Variants in ST18 observed in about 807,000 individuals in gnomAD.
ST18 encodes suppression of tumorigenicity 18 protein.
A neutral mutation model predicts 110.0 loss-of-function variants in ST18; 50 were observed. That is an observed-to-expected ratio of 0.45 (90% CI 0.36 to 0.58). The LOEUF (loss-of-function observed/expected upper bound fraction) is 0.58, where lower values mean the gene tolerates loss of function less well. Among genes scored for constraint, ST18 ranks in the 20% least tolerant of loss-of-function variants. The pLI is 0.00. For missense variants in ST18, 1,306 were observed against 1,280.1 expected, an observed-to-expected ratio of 1.02 and a Z score of -0.31; for synonymous variants, 461 against 452.4, an observed-to-expected ratio of 1.02 and a Z score of -0.24.
At chr8:52,274,334 C>T (rs561927510) in intron 2 of ST18, among the ~76,000 whole-genome samples, 3 of 151,998 alleles carry the variant, frequency 2.0e-5, no homozygotes, top group South Asian at 2.1e-4. Context: ...AAATGTTTTA[C>T]GTAGATAAGA....
intron 2 of ST18, among the ~76,000 whole-genome samples, chr8:52,380,122 G>A (rs968717135): frequency 1.2e-4 from 18 of 147,698 alleles, no homozygotes; most frequent in African/African-American, 4.0e-4. Flanking sequence ...AGGAAGCAGA[G>A]AAAAGTCATG....
chr8:52,294,250 A>G (rs1424617388), intron 2 of ST18, among the ~76,000 whole-genome samples: 2 of 152,236 alleles, frequency 1.3e-5, no homozygotes, highest in African/African-American at 4.8e-5. Flanking sequence ...CACTGGCCCA[A>G]AATGAAGCCA....
At chr8:52,178,165 GTC>G (rs1480471445) in intron 9 of ST18, among the ~76,000 whole-genome samples, 2 of 152,124 alleles carry the variant, frequency 1.3e-5, no homozygotes, top group Non-Finnish European at 2.9e-5. Flanking sequence ...GCCAGATATA[GTC>G]TGTCTTCACA....
chr8:52,403,809 A>C (rs1843578583), intron 2 of ST18: 1 of 152,190 alleles, frequency 6.6e-6, no homozygotes, highest in Non-Finnish European at 1.5e-5. Context: ...CTAACTCTTA[A>C]TATGATTGTA....
In ST18 at chr8:52,135,905, T is replaced by C. The variant is rs538379287; in HGVS notation, c.2300+685A>G. Among the ~76,000 whole-genome samples, 56 of 152,360 alleles carry C rather than the reference T, an allele frequency of 3.7e-4. No homozygotes were observed. In the South Asian group the frequency reaches 0.012, roughly 32 times the overall value. On this transcript the variant is annotated intron_variant, in intron 19 of 25. Coordinates refer to ENST00000689386, the MANE Select transcript of ST18 (RefSeq NM_001352837.2). ...ATACTCATTTTTTCTAAAGCTTTAT[T>C]ATTTGTAAAAAGATGTAATTAGTTT...
intron 8 of ST18, among the ~76,000 whole-genome samples, chr8:52,186,582 T>C (rs2072332365): frequency 6.6e-6 from 1 of 152,346 alleles, no homozygotes; most frequent in Non-Finnish European, 1.5e-5. Context: ...GAAAGAGCCA[T>C]GTCCATATAT....
chr8:52,379,678 C>A (rs1056240140), intron 2 of ST18, among the ~76,000 whole-genome samples: 2 of 152,150 alleles, frequency 1.3e-5, no homozygotes, highest in Admixed American at 1.3e-4. Context: ...TCTATTGTAT[C>A]ATTTACTACC....
At chr8:52,197,185 G>A (rs1272051368) in intron 8 of ST18, among the ~76,000 whole-genome samples, 2 of 152,122 alleles carry the variant, frequency 1.3e-5, no homozygotes, top group African/African-American at 4.8e-5. Flanking sequence ...AATATCTGCT[G>A]CAAAGTTACT....
intron 2 of ST18, among the ~76,000 whole-genome samples, chr8:52,376,883 A>T (rs1832603539): frequency 6.6e-6 from 1 of 152,220 alleles, no homozygotes; most frequent in Non-Finnish European, 1.5e-5. Flanking sequence ...AGCTCAGTCA[A>T]TTTGGACTTT....
rs1436792277 is a variant in ST18, at chr8:52,220,760, A to G, written c.-176T>C. ...CCTTACCTCTCTTTTTCTCCAGGTA[A>G]CTTGTATGTCAACTCAGTTTGCCCT... On this transcript the variant is annotated 5_prime_UTR_variant, in exon 5 of 26. Coordinates refer to ENST00000689386, the MANE Select transcript of ST18 (RefSeq NM_001352837.2). 2.0e-5 allele frequency: 3 copies of G among 152,158 alleles called. No individual in the cohort carries two copies. The highest frequency in any genetic ancestry group is 7.2e-5 in the African/African-American group (3 of 41,430). The allele number at this position is 152,158 out of a possible 1,614,324, so 9.4% of individuals were successfully genotyped here.
intron 2 of ST18, among the ~76,000 whole-genome samples, chr8:52,337,057 C>T (rs1207879468): frequency 6.6e-6 from 1 of 152,216 alleles, no homozygotes; most frequent in Non-Finnish European, 1.5e-5. Flanking sequence ...AGAATAACAT[C>T]GCCTTTTTAA....
intron 8 of ST18, among the ~76,000 whole-genome samples, chr8:52,203,149 A>T (rs1434208377): frequency 6.6e-6 from 1 of 152,250 alleles, no homozygotes; most frequent in African/African-American, 2.4e-5. Flanking sequence ...TATGTATGAT[A>T]AATTAAAAAT....
chr8:52,242,872 CAA>C (rs200931792), intron 2 of ST18, among the ~76,000 whole-genome samples: 9 of 129,004 alleles, frequency 7.0e-5, no homozygotes, highest in South Asian at 2.5e-4. Context: ...GACTCTGCCT[CAA>C]AAAAAAAAAA....
In ST18 at chr8:52,133,271, C is replaced by G; in HGVS notation, c.2331G>C (p.Gly777=). ...KCPTPGCDGS[G]HVTGNYASHR... ...GGGAAGCATAGTTTCCAGTCACGTG[C>G]CCCGAGCCATCGCAGCCTGGGGTTG... The change falls in exon 20 of 26, where the codon GGG becomes GGC. Residue 777 remains glycine, a synonymous_variant. Coordinates refer to ENST00000689386, the MANE Select transcript of ST18 (RefSeq NM_001352837.2). 3 of 1,614,136 alleles carry G rather than the reference C, an allele frequency of 1.9e-6. No individual in the cohort carries two copies. The highest frequency in any genetic ancestry group is 2.5e-6 in the Non-Finnish European group (3 of 1,180,038).
intron 8 of ST18, among the ~76,000 whole-genome samples, chr8:52,198,097 C>T (rs1440581766): frequency 6.6e-6 from 1 of 152,202 alleles, no homozygotes; most frequent in East Asian, 1.9e-4. Context: ...TCTCGGCTCA[C>T]TGCAACCTTC....
intron 9 of ST18, among the ~76,000 whole-genome samples, chr8:52,179,347 C>G (rs1047617670): frequency 1.3e-5 from 2 of 152,190 alleles, no homozygotes; most frequent in Non-Finnish European, 2.9e-5. Flanking sequence ...TTTCACTTAG[C>G]ACACAAAAGG....
At chr8:52,180,974 G>T (rs2069249438) in intron 8 of ST18, among the ~76,000 whole-genome samples, 1 of 152,208 alleles carries the variant, frequency 6.6e-6, no homozygotes. Flanking sequence ...TCACAAAAAT[G>T]GACAACAGTT....
At chr8:52,389,240 G>T (rs958523092) in intron 2 of ST18, among the ~76,000 whole-genome samples, 1 of 152,164 alleles carries the variant, frequency 6.6e-6, no homozygotes, top group African/African-American at 2.4e-5. Flanking sequence ...CAGACTCCCA[G>T]TTGGCGCCCG....
In ST18 at chr8:52,409,749, A is replaced by G. The variant is rs550527854; in HGVS notation, c.-791T>C. 1.8e-4 allele frequency: 28 copies of G among 152,400 alleles called. No homozygotes were observed. Among genetic ancestry groups the G allele is most frequent in the Middle Eastern group, 3.4e-3 (1 of 294 alleles). The allele number at this position is 152,400 out of a possible 1,614,324, so 9.4% of individuals were successfully genotyped here. ...GCCCTTCTCCCTACAAAAAGGTTCC[A>G]TAGAATCAGAACGCAGAGGCGCTGC... On this transcript the variant is annotated 5_prime_UTR_variant, in exon 1 of 26. The change abolishes an upstream ATG in the 5' untranslated region. Coordinates refer to ENST00000689386, the MANE Select transcript of ST18 (RefSeq NM_001352837.2).
Sources: allele counts gnomAD v4.1 joint callset (sites outside exome capture counted in the v4.1 genomes callset), GRCh38; gene constraint gnomAD v4.1.1; transcripts MANE v1.5; gene names NCBI Gene and HGNC (gene_info 2026-07-23, HGNC 2026-07-21).